RCL1: variants seen among roughly 807,000 people sequenced by gnomAD.
RCL1 encodes the protein RNA 3'-terminal phosphate cyclase-like protein.
A neutral mutation model predicts 42.4 loss-of-function variants in RCL1; 24 were observed. The ratio of observed to expected loss-of-function variants is 0.57; its 90% CI spans 0.41 to 0.80. The LOEUF is 0.80. Ranked by LOEUF, RCL1 falls within the 30% of genes least tolerant of loss-of-function variation. The pLI is 0.00. For missense variants in RCL1, 578 were observed against 467.9 expected, an observed-to-expected ratio of 1.24 and a Z score of -2.17; for synonymous variants, 228 against 177.3, an observed-to-expected ratio of 1.29 and a Z score of -2.27.
chr9:4,838,592 A>G (rs1291626586), intron 5 of RCL1, among the ~76,000 whole-genome samples: 2 of 152,186 alleles, frequency 1.3e-5, no homozygotes, highest in African/African-American at 2.4e-5. Flanking sequence ...TAACATACAC[A>G]CACACACCCC....
At chr9:4,798,383 A>G (rs1842946794) in intron 1 of RCL1, among the ~76,000 whole-genome samples, 1 of 152,242 alleles carries the variant, frequency 6.6e-6, no homozygotes, top group African/African-American at 2.4e-5. Context: ...GAGTCAGAAG[A>G]CAGGACTGCT....
intron 8 of RCL1, among the ~76,000 whole-genome samples, chr9:4,852,922 C>T (rs1242282173): frequency 6.6e-6 from 1 of 152,018 alleles, no homozygotes; most frequent in Non-Finnish European, 1.5e-5. Context: ...GTGGTCTGCC[C>T]AGCTACCTAT....
chr9:4,809,557 C>T (rs1043515984), intron 1 of RCL1, among the ~76,000 whole-genome samples: 1 of 152,202 alleles, frequency 6.6e-6, no homozygotes, highest in African/African-American at 2.4e-5. Flanking sequence ...ATTCGCCCGC[C>T]TCGGCCTCCC....
At chr9:4,821,462 C>T (rs566905436) in intron 1 of RCL1, among the ~76,000 whole-genome samples, 1 of 152,244 alleles carries the variant, frequency 6.6e-6, no homozygotes, top group South Asian at 2.1e-4. Context: ...TTTGCTATAA[C>T]AATGTCACAG....
At chr9:4,851,013 T>G (rs1817728773) in intron 8 of RCL1, among the ~76,000 whole-genome samples, 1 of 152,206 alleles carries the variant, frequency 6.6e-6, no homozygotes. Context: ...CATATATGTT[T>G]TTTTTCGTGA....
At chr9:4,843,366 T>G (rs1817399047) in intron 6 of RCL1, among the ~76,000 whole-genome samples, 1 of 149,622 alleles carries the variant, frequency 6.7e-6, no homozygotes, top group South Asian at 2.1e-4. Flanking sequence ...CCATTTTAAC[T>G]CTCACAGTAA....
chr9:4,851,065 C>A (rs1343203237), intron 8 of RCL1, among the ~76,000 whole-genome samples: 1 of 151,900 alleles, frequency 6.6e-6, no homozygotes, highest in Non-Finnish European at 1.5e-5. Context: ...CAATTTGGCT[C>A]CAGGACCTGT....
At chr9:4,802,860 G>T (rs796655912) in intron 1 of RCL1, among the ~76,000 whole-genome samples, 5 of 152,142 alleles carry the variant, frequency 3.3e-5, no homozygotes, top group African/African-American at 1.2e-4. Context: ...TTGCTCTGTC[G>T]CACAGGCTGG....
intron 1 of RCL1, among the ~76,000 whole-genome samples, chr9:4,794,783 C>T (rs1349476300): frequency 1.3e-5 from 2 of 152,098 alleles, no homozygotes; most frequent in Non-Finnish European, 2.9e-5. Flanking sequence ...TTCTCCTTCT[C>T]CCCCTCCACT....
intron 1 of RCL1, among the ~76,000 whole-genome samples, chr9:4,815,962 C>T (rs1816361330): frequency 1.3e-5 from 2 of 152,024 alleles, no homozygotes. Flanking sequence ...CTTGGCATTT[C>T]CTTCTGCTCT....
intron 1 of RCL1, among the ~76,000 whole-genome samples, chr9:4,809,640 A>AAAGG (rs1167416976): frequency 6.6e-6 from 1 of 152,142 alleles, no homozygotes. Context: ...AAATAGAAAA[A>AAAGG]ATGGAATGCG....
Position 4,806,570 on chromosome 9 carries a change from A to G in RCL1, c.136+13343A>G, listed in dbSNP as rs559411180. Reference sequence around the variant, plus strand: ...ATTGAACCAGCCTTGCATTCCTGGAATAGATTCTACTTGATCTACACACAC... The same window carrying G: ...ATTGAACCAGCCTTGCATTCCTGGAGTAGATTCTACTTGATCTACACACAC... On this transcript the variant is annotated intron_variant, in intron 1 of 8. Transcript: ENST00000381750. 3.9e-3 allele frequency among the ~76,000 whole-genome samples: 578 copies of G among 147,298 alleles called. 3 individuals carry two copies. The highest frequency in any genetic ancestry group is 7.0e-3 in the Middle Eastern group (2 of 284).
chr9:4,807,908 A>C (rs1263616120), intron 1 of RCL1, among the ~76,000 whole-genome samples: 1 of 152,210 alleles, frequency 6.6e-6, no homozygotes, highest in East Asian at 1.9e-4. Flanking sequence ...TTACGGTCAG[A>C]AAACATTCTC....
intron 5 of RCL1, among the ~76,000 whole-genome samples, chr9:4,837,170 A>G (rs1043029003): frequency 6.6e-6 from 1 of 152,144 alleles, no homozygotes; most frequent in Admixed American, 6.5e-5. Context: ...TGTTTTTGAA[A>G]CCAAATGTGC....
chr9:4,841,813 G>A (rs1236561666), intron 6 of RCL1, among the ~76,000 whole-genome samples: 1 of 152,012 alleles, frequency 6.6e-6, no homozygotes, highest in Non-Finnish European at 1.5e-5. Flanking sequence ...ACGTGAATTT[G>A]GTTTAGTGAA....
chr9:4,827,372 C>G (rs1182383177), intron 3 of RCL1: 1 of 922,062 alleles, frequency 1.1e-6, no homozygotes, highest in African/African-American at 1.7e-5. Context: ...CCTGTGGTAG[C>G]TGAGGCTGGA....
intron 2 of RCL1, among the ~76,000 whole-genome samples, chr9:4,824,775 A>C (rs1390834129): frequency 2.0e-5 from 3 of 152,224 alleles, no homozygotes; most frequent in Non-Finnish European, 2.9e-5. Context: ...TATGGAGAAC[A>C]GGTTTCGGGA....
chr9:4,827,947 G>C (rs1419557740), intron 3 of RCL1, among the ~76,000 whole-genome samples: 2 of 152,094 alleles, frequency 1.3e-5, no homozygotes, highest in Non-Finnish European at 2.9e-5. Context: ...AGCACTTTGG[G>C]AGGCCGAGGC....
chr9:4,827,325 G>C, intron 3 of RCL1: 3 of 1,167,652 alleles, frequency 2.6e-6, no homozygotes, highest in African/African-American at 1.6e-5. Flanking sequence ...CTATAGTTCT[G>C]CTGGCTGTAT....
Sources: allele counts gnomAD v4.1 joint callset (sites outside exome capture counted in the v4.1 genomes callset), GRCh38; gene constraint gnomAD v4.1.1; transcripts MANE v1.5; gene names NCBI Gene and HGNC (gene_info 2026-07-23, HGNC 2026-07-21).